CNTNAP2: variants seen among roughly 807,000 people sequenced by gnomAD.
CNTNAP2 encodes the protein contactin-associated protein-like 2.
CNTNAP2 carries 98 observed loss-of-function variants against 155.2 expected under a neutral mutation model. The observed-to-expected ratio is 0.63, with a 90% CI of 0.54 to 0.75. The LOEUF (loss-of-function observed/expected upper bound fraction) is 0.75, where lower values mean the gene tolerates loss of function less well. CNTNAP2 is among the 30% of genes least tolerant of loss of function. CNTNAP2 has a pLI of 0.00. For synonymous variants in CNTNAP2, 651 were observed against 631.2 expected, an observed-to-expected ratio of 1.03 and a Z score of -0.47; for missense variants, 1,727 against 1,688.1, an observed-to-expected ratio of 1.02 and a Z score of -0.40.
intron 4 of CNTNAP2, among the ~76,000 whole-genome samples, chr7:147,099,906 T>C (rs1017212866): frequency 6.6e-6 from 1 of 152,204 alleles, no homozygotes; most frequent in Non-Finnish European, 1.5e-5. Flanking sequence ...TCTAATTTAT[T>C]TGACTTTTTG....
chr7:148,321,840 A>C lies in CNTNAP2; in HGVS notation c.3475+54714A>C, dbSNP rs76518982. ...GAGACAGAGGAAAGAAAAAATATGT[A>C]ATCACATATGAACTGCAAAAGAATT... On this transcript the variant is annotated intron_variant, in intron 21 of 23. Transcript: ENST00000361727. Among the ~76,000 whole-genome samples the C allele has an allele frequency of 5.0e-3, 764 of 152,318 alleles. 8 individuals are homozygous for C. The highest frequency in any genetic ancestry group is 0.017 in the African/African-American group (709 of 41,574).
intron 3 of CNTNAP2, among the ~76,000 whole-genome samples, chr7:146,864,203 CA>C (rs1379873413): frequency 1.3e-5 from 2 of 151,618 alleles, no homozygotes; most frequent in African/African-American, 4.8e-5. Flanking sequence ...AATATAGACA[CA>C]AAAATTAATT....
At chr7:146,524,178 G>T (rs1797655263) in intron 1 of CNTNAP2, among the ~76,000 whole-genome samples, 1 of 152,076 alleles carries the variant, frequency 6.6e-6, no homozygotes, top group South Asian at 2.1e-4. Context: ...CCCATATGAG[G>T]CCCATAAAGA....
chr7:146,928,753 A>G (rs1260859264), intron 3 of CNTNAP2, among the ~76,000 whole-genome samples: 1 of 152,172 alleles, frequency 6.6e-6, no homozygotes, highest in Non-Finnish European at 1.5e-5. Context: ...CTTTTCCGAC[A>G]GGCTTAAAAA....
intron 1 of CNTNAP2, among the ~76,000 whole-genome samples, chr7:146,508,331 A>G (rs2129134694): frequency 6.6e-6 from 1 of 152,336 alleles, no homozygotes. Context: ...GTGGCTTGTA[A>G]AACCAAGCTG....
intron 12 of CNTNAP2, among the ~76,000 whole-genome samples, chr7:147,603,555 C>G (rs1009352027): frequency 1.3e-5 from 2 of 152,136 alleles, no homozygotes; most frequent in Admixed American, 6.5e-5. Flanking sequence ...CAAACCACTG[C>G]TCAATGAAAT....
intron 10 of CNTNAP2, among the ~76,000 whole-genome samples, chr7:147,420,187 T>A (rs1316270902): frequency 1.3e-5 from 2 of 152,192 alleles, no homozygotes; most frequent in Non-Finnish European, 2.9e-5. Context: ...GCACTTACTG[T>A]AAGTCCAGCA....
intron 22 of CNTNAP2, among the ~76,000 whole-genome samples, chr7:148,385,746 T>G (rs868582283): frequency 9.6e-6 from 1 of 103,742 alleles, no homozygotes; most frequent in Admixed American, 8.8e-5. Context: ...GTTTTTTTTT[T>G]TTTTTTTTTT....
intron 1 of CNTNAP2, among the ~76,000 whole-genome samples, chr7:146,673,760 T>C (rs2129168569): frequency 6.6e-6 from 1 of 152,242 alleles, no homozygotes; most frequent in Middle Eastern, 3.4e-3. Context: ...TTAATTTTTT[T>C]TTCTAGAGAT....
intron 8 of CNTNAP2, among the ~76,000 whole-genome samples, chr7:147,263,962 G>A (rs1213277012): frequency 1.3e-5 from 2 of 152,198 alleles, no homozygotes; most frequent in Admixed American, 1.3e-4. Context: ...GGCATGAGGT[G>A]CTCAGGATTC....
chr7:147,893,794 G>C (rs1183301976), intron 13 of CNTNAP2, among the ~76,000 whole-genome samples: 1 of 152,184 alleles, frequency 6.6e-6, no homozygotes, highest in African/African-American at 2.4e-5. Context: ...CCATGGCCCA[G>C]ATCTTGGAAG....
intron 13 of CNTNAP2, among the ~76,000 whole-genome samples, chr7:147,791,775 C>T (rs1797823876): frequency 6.6e-6 from 1 of 151,554 alleles, no homozygotes; most frequent in Non-Finnish European, 1.5e-5. Flanking sequence ...GCTCTTACTT[C>T]TCTTCAGTTG....
chr7:147,112,045 T>C (rs1260519482), intron 5 of CNTNAP2, among the ~76,000 whole-genome samples: 2 of 152,198 alleles, frequency 1.3e-5, no homozygotes, highest in African/African-American at 4.8e-5. Flanking sequence ...TCATCTCTGA[T>C]TTCTTTGAGC....
At chr7:147,729,336 T>G (rs1479068229) in intron 13 of CNTNAP2, among the ~76,000 whole-genome samples, 1 of 151,810 alleles carries the variant, frequency 6.6e-6, no homozygotes, top group Non-Finnish European at 1.5e-5. Flanking sequence ...AACTAGATGT[T>G]AGAAGTCTAA....
chr7:147,910,705 C>T (rs1004369625), intron 14 of CNTNAP2, among the ~76,000 whole-genome samples: 2 of 152,126 alleles, frequency 1.3e-5, no homozygotes, highest in Non-Finnish European at 2.9e-5. Context: ...TGCAGGAGAA[C>T]TCCCATTTAT....
At chr7:148,303,680 T>C (rs1229460679) in intron 21 of CNTNAP2, among the ~76,000 whole-genome samples, 1 of 152,222 alleles carries the variant, frequency 6.6e-6, no homozygotes, top group East Asian at 1.9e-4. Context: ...TTGCACGTAT[T>C]AAGAAAAGCT....
At chr7:147,658,638 G>A (rs1233796964) in intron 13 of CNTNAP2, among the ~76,000 whole-genome samples, 1 of 152,182 alleles carries the variant, frequency 6.6e-6, no homozygotes, top group African/African-American at 2.4e-5. Flanking sequence ...ATTAAAATCA[G>A]ATGCTTGCTT....
rs965432853 is a variant in CNTNAP2 at position 146,860,749 on chromosome 7, GA to G, written c.402+20855del. ...GATTGAAAAAAAATTTCTTGGAACA[GA>G]AAAAAAAAACGCATTATTGACATTC... On this transcript the variant is annotated intron_variant, in intron 3 of 23. Transcript: ENST00000361727. Among the ~76,000 whole-genome samples, 27 of 146,400 alleles carry G rather than the reference GA, an allele frequency of 1.8e-4. 1 individual carries two copies. In the East Asian group the frequency reaches 4.0e-3, roughly 22 times the overall value.
chr7:147,869,611 A>G (rs1195536244), intron 13 of CNTNAP2, among the ~76,000 whole-genome samples: 1 of 152,248 alleles, frequency 6.6e-6, no homozygotes, highest in Admixed American at 6.5e-5. Flanking sequence ...TAATTTCAAA[A>G]TAACTAAGGA....
Sources: allele counts gnomAD v4.1 joint callset (sites outside exome capture counted in the v4.1 genomes callset), GRCh38; gene constraint gnomAD v4.1.1; transcripts MANE v1.5; gene names NCBI Gene and HGNC (gene_info 2026-07-23, HGNC 2026-07-21).